ATRX: variants seen among roughly 807,000 people sequenced by gnomAD.
ATRX encodes ATRX chromatin remodeler, also known as chromatin remodeler ATRX.
Under a neutral mutation model 172.6 loss-of-function variants are expected in ATRX, and 12 were observed. The observed-to-expected ratio is 0.07, with a 90% CI of 0.04 to 0.11. The LOEUF is 0.11. ATRX is among the 10% of genes least tolerant of loss of function. The pLI, the probability that ATRX is intolerant of heterozygous loss-of-function variation, is 1.00. For synonymous variants in ATRX, 674 were observed against 594.7 expected (o/e 1.13, Z -1.94); for missense variants, 1,368 against 1,767.4 (o/e 0.77, Z 4.05).
chrX:77,714,721 G>A (rs1184734920), intron 2 of ATRX, among the ~76,000 whole-genome samples: 2 of 111,502 alleles, frequency 1.8e-5, no homozygotes, highest in Non-Finnish European at 3.8e-5. Context: ...ATTTCACAAA[G>A]TAACACACCT....
At chrX:77,513,985 C>G (rs2062968449) in intron 34 of ATRX, among the ~76,000 whole-genome samples, 1 of 110,778 alleles carries the variant, frequency 9.0e-6, no homozygotes, top group African/African-American at 3.3e-5. Flanking sequence ...AGAGGCAAAT[C>G]AGGCATGCAA....
At chrX:77,679,580 C>A (rs1473099712) in intron 9 of ATRX, among the ~76,000 whole-genome samples, 1 of 111,605 alleles carries the variant, frequency 9.0e-6, no homozygotes, top group Non-Finnish European at 1.9e-5. Flanking sequence ...ATTAATAATT[C>A]TCAACATGAG....
At chrX:77,531,022 T>C (rs1461050599) in intron 30 of ATRX, among the ~76,000 whole-genome samples, 1 of 111,783 alleles carries the variant, frequency 8.9e-6, no homozygotes, top group African/African-American at 3.3e-5. Context: ...GCATATAAAC[T>C]AGAAAATCCA....
At chrX:77,755,437 A>G (rs1477931843) in intron 1 of ATRX, among the ~76,000 whole-genome samples, 3 of 111,994 alleles carry the variant, frequency 2.7e-5, no homozygotes, top group Non-Finnish European at 1.9e-5. Context: ...AATTTCCAGC[A>G]TTTTTGCACT....
chrX:77,628,905 A>T (rs1444648767), intron 19 of ATRX, among the ~76,000 whole-genome samples: 1 of 112,310 alleles, frequency 8.9e-6, no homozygotes, highest in African/African-American at 3.2e-5. Context: ...CATTGCACCC[A>T]GCTGATTCTT....
intron 2 of ATRX, among the ~76,000 whole-genome samples, chrX:77,700,089 A>G (rs1557152582): frequency 8.9e-6 from 1 of 111,801 alleles, no homozygotes; most frequent in Non-Finnish European, 1.9e-5. Flanking sequence ...CAAAGTACAC[A>G]TCTGATAAAA....
Position 77,682,512 on chromosome X carries a change from C to G in ATRX, c.2744G>C (p.Ser915Thr), listed in dbSNP as rs782427910. The G allele has an allele frequency of 4.1e-6, 5 of 1,211,647 alleles. No homozygotes were observed. Among genetic ancestry groups the G allele is most frequent in the Admixed American group, 2.2e-5 (1 of 46,029 alleles). The change falls in exon 9 of 35, where the codon AGT (serine) becomes ACT (threonine). Residue 915 changes from serine to threonine, a missense_variant. This residue lies in a region of ATRX where 843 missense variants were observed against 643.1 expected (regional missense o/e 1.31). Coordinates refer to ENST00000373344, the MANE Select transcript of ATRX (RefSeq NM_000489.6). Reference protein sequence around the residue: ...RDRLPKKQQASASTDGVDKLS... With the variant: ...RDRLPKKQQATASTDGVDKLS... ...CTTATCGACACCATCAGTGGAAGCA[C>G]TTGCTTGCTGCTTCTTAGGAAGTCG... is the stretch of plus-strand genomic sequence containing the variant.
At chrX:77,566,924 CACTG>C (rs1557064822) in intron 28 of ATRX, among the ~76,000 whole-genome samples, 1 of 111,713 alleles carries the variant, frequency 9.0e-6, no homozygotes, top group African/African-American at 3.2e-5. Flanking sequence ...AGAATGATTA[CACTG>C]ACTGATATGG....
In ATRX at chrX:77,681,509, T is replaced by A. The variant is rs782319940; in HGVS notation, c.3736+11A>T. 1 of 1,203,953 alleles carries A rather than the reference T, an allele frequency of 8.3e-7. No individual in the cohort carries two copies. Among genetic ancestry groups the A allele is most frequent in the Non-Finnish European group, 1.1e-6 (1 of 889,016 alleles). ...GTACAAATTATGAATTTTTTATTTA[T>A]TTTTGCATACCTGAAGATTGGCAAA... On this transcript the variant is annotated intron_variant, in intron 9 of 34. Coordinates refer to ENST00000373344, the MANE Select transcript of ATRX (RefSeq NM_000489.6).
At chrX:77,615,454 ATC>A (rs1284532756) in intron 22 of ATRX, among the ~76,000 whole-genome samples, 2 of 112,058 alleles carry the variant, frequency 1.8e-5, no homozygotes, top group African/African-American at 6.5e-5. Flanking sequence ...AGATCTGAAC[ATC>A]TGTCTCTTAA....
At chrX:77,722,065 G>A (rs1557169394) in intron 1 of ATRX, among the ~76,000 whole-genome samples, 1 of 111,693 alleles carries the variant, frequency 9.0e-6, no homozygotes, top group African/African-American at 3.3e-5. Flanking sequence ...ACAAAAACAA[G>A]CAATGGAGAA....
In ATRX at chrX:77,507,531, G is replaced by A. The variant is rs1410318947; in HGVS notation, c.*820C>T. 1.2e-4 allele frequency: 21 copies of A among 173,314 alleles called. No individual in the cohort carries two copies. Among genetic ancestry groups the A allele is most frequent in the Non-Finnish European group, 1.7e-4 (15 of 90,819 alleles). 14.3% of individuals were successfully genotyped at this position (173,314 alleles called of 1,213,427 possible). Reference sequence around the variant, plus strand: ...TAGCACTGGCACCATGCAGTTAAGAGATGTGCTTTATATTCGTGCCAGGAG... The same window carrying A: ...TAGCACTGGCACCATGCAGTTAAGAAATGTGCTTTATATTCGTGCCAGGAG... On this transcript the variant is annotated 3_prime_UTR_variant, in exon 35 of 35. Transcript: ENST00000373344.
intron 27 of ATRX, among the ~76,000 whole-genome samples, chrX:77,585,063 ATCAT>A (rs782585610): frequency 3.2e-4 from 36 of 111,985 alleles, no homozygotes; most frequent in African/African-American, 1.1e-3. Flanking sequence ...GGTGCTCAAC[ATCAT>A]TCATTATCAG....
intron 26 of ATRX, among the ~76,000 whole-genome samples, chrX:77,593,484 A>C (rs2066356251): frequency 1.8e-5 from 2 of 111,415 alleles, no homozygotes; most frequent in Admixed American, 9.5e-5. Flanking sequence ...TAGAAGCAGA[A>C]ATTTACACTG....
At position 77,681,989 on chromosome X, in the gene ATRX, T is replaced by C; in HGVS notation, c.3267A>G (p.Arg1089=). The C allele has an allele frequency of 8.3e-7, 1 of 1,210,830 alleles. No homozygotes were observed. Among genetic ancestry groups the C allele is most frequent in the Non-Finnish European group, 1.1e-6 (1 of 894,760 alleles). The change falls in exon 9 of 35, where the codon AGA becomes AGG. Residue 1089 remains arginine (R), a synonymous_variant. Coordinates refer to ENST00000373344, the MANE Select transcript of ATRX (RefSeq NM_000489.6). The stretch of plus-strand genomic sequence containing the variant: ...CAAGCAACTTGCACCTTTTCTTCTC[T>C]CTACCATATGCTCCATTCTTACTCT... ...DKKSKNGAYG[R]EKKRCKLLGK... is the part of the protein sequence containing the mutation.
chrX:77,573,765 T>C (rs2065505351), intron 28 of ATRX, among the ~76,000 whole-genome samples: 1 of 111,755 alleles, frequency 8.9e-6, no homozygotes, highest in Non-Finnish European at 1.9e-5. Flanking sequence ...TGATAGTTTC[T>C]TACAAAGATA....
At chrX:77,648,413 A>C (rs2069024237) in intron 15 of ATRX, among the ~76,000 whole-genome samples, 1 of 111,593 alleles carries the variant, frequency 9.0e-6, no homozygotes, top group African/African-American at 3.3e-5. Context: ...AAAATCTGTA[A>C]GATGCAGTGT....
chrX:77,632,241 T>C (rs1263429669), intron 19 of ATRX, among the ~76,000 whole-genome samples: 1 of 109,162 alleles, frequency 9.2e-6, no homozygotes, highest in Non-Finnish European at 1.9e-5. Context: ...AAGCTTTAAT[T>C]TTTTTTTTCT....
intron 15 of ATRX, among the ~76,000 whole-genome samples, chrX:77,648,805 C>T (rs992350085): frequency 2.7e-5 from 3 of 110,267 alleles, no homozygotes; most frequent in Non-Finnish European, 5.7e-5. Flanking sequence ...GGAAAAATTC[C>T]TTAAGTTTGA....
Sources: allele counts gnomAD v4.1 joint callset (sites outside exome capture counted in the v4.1 genomes callset), GRCh38; gene constraint gnomAD v4.1.1; regional missense constraint gnomAD v4.1.1; transcripts MANE v1.5; gene names NCBI Gene and HGNC (gene_info 2026-07-23, HGNC 2026-07-21).